The following MYBPC1 variants were observed in gnomAD, a reference collection of about 807,000 sequenced individuals.
MYBPC1 encodes the protein myosin binding protein C1.
In MYBPC1, 52 loss-of-function variants were observed where a neutral mutation model predicts 147.1. The ratio of observed to expected loss-of-function variants is 0.35; its 90% confidence interval spans 0.28 to 0.45. MYBPC1 has a LOEUF of 0.45. Ranked by LOEUF, MYBPC1 falls within the 20% of genes least tolerant of loss-of-function variation. The probability of loss-of-function intolerance (pLI) is 1.00; values close to 1 mark genes in which losing one functional copy is unlikely to be tolerated. For synonymous variants in MYBPC1, 477 were observed against 475.9 expected (o/e 1.00, Z -0.03); for missense variants, 1,228 against 1,440.3 (o/e 0.85, Z 2.39).
chr12:101,627,879 T>C (rs1888988411), intron 5 of MYBPC1, 75 bp downstream of exon 5: 6 of 1,459,224 alleles, frequency 4.1e-6, no homozygotes, highest in Non-Finnish European at 5.8e-6. Context: ...CTTGAAGCTG[T>C]ATTGATTCTA....
At position 101,667,727 on chromosome 12, in the gene MYBPC1, T is replaced by G; in HGVS notation, c.2357-5T>G. 1 of 1,614,194 alleles carries G rather than the reference T, an allele frequency of 6.2e-7. No individual in the cohort carries two copies. Among genetic ancestry groups the G allele is most frequent in the Non-Finnish European group, 8.5e-7 (1 of 1,180,022 alleles). ...CTTCTTTTCCTTTTCTTTTACGGAC[T>G]TCAGCTGAGGACTGGATAGTTGCAA... is the stretch of plus-strand genomic sequence containing the variant. On this transcript the variant is annotated splice_region_variant and splice_polypyrimidine_tract_variant and intron_variant, in intron 22 of 31. Transcript: ENST00000361466.
chr12:101,613,046 T>C (rs1256374730), intron 1 of MYBPC1, among the ~76,000 whole-genome samples: 2 of 152,250 alleles, frequency 1.3e-5, no homozygotes, highest in African/African-American at 4.8e-5. Context: ...TGGTTATATA[T>C]ATCCTTCTCC....
chr12:101,662,600 CT>C (rs1896753723), intron 21 of MYBPC1, 54 bp downstream of exon 21: 1 of 1,582,844 alleles, frequency 6.3e-7, no homozygotes, highest in African/African-American at 1.3e-5. Flanking sequence ...CAGAGTATGA[CT>C]GCTTTCTCTC....
chr12:101,646,714 A>C (rs745577360), intron 12 of MYBPC1, 49 bp from the exon 13 acceptor site: 3 of 1,603,516 alleles, frequency 1.9e-6, no homozygotes, highest in Non-Finnish European at 2.6e-6. Context: ...AAAGAAAAGA[A>C]TAAAATCACA....
intron 1 of MYBPC1, among the ~76,000 whole-genome samples, chr12:101,607,826 AT>A (rs1448886274): frequency 2.0e-5 from 3 of 152,236 alleles, no homozygotes; most frequent in Non-Finnish European, 4.4e-5. Flanking sequence ...ACGCAGACAT[AT>A]AAAAAGAGAC....
rs751221401 is a variant in MYBPC1, at chr12:101,661,143, T to G, written c.1928-15T>G. ...CTTCCTTATTTTACTTTATCCTATT[T>G]TTTGTCTGCCACAGACTTCCCTGAT... On this transcript the variant is annotated splice_polypyrimidine_tract_variant and intron_variant, in intron 19 of 31. Transcript: ENST00000361466. 3.1e-6 allele frequency: 5 copies of G among 1,591,130 alleles called. No individual in the cohort carries two copies. Among genetic ancestry groups the G allele is most frequent in the Non-Finnish European group, 4.3e-6 (5 of 1,160,354 alleles).
At position 101,629,442 on chromosome 12, in the gene MYBPC1, C is replaced by G; in HGVS notation, c.187C>G (p.Leu63Val). The G allele has an allele frequency of 1.2e-6, 2 of 1,610,292 alleles. No individual in the cohort carries two copies. Among genetic ancestry groups the G allele is most frequent in the South Asian group, 1.1e-5 (1 of 91,008 alleles). Reference sequence around the variant, plus strand: ...TCCTTTCTGCTCATCAGACTGGACCCTTGTCGAAACTCCTCCTGGGGAGGA... The same window carrying G: ...TCCTTTCTGCTCATCAGACTGGACCGTTGTCGAAACTCCTCCTGGGGAGGA... The part of the protein sequence containing the change: ...ALERKDSDWT[L>V]VETPPGEEQA... The change falls in exon 6 of 32, where the codon CTT becomes GTT. Residue 63 changes from leucine (L) to valine (V), a missense_variant. By Grantham distance (32) the Leu-to-Val change is conservative (BLOSUM62 1). This residue lies in a region of MYBPC1 where 151 missense variants were observed against 126.1 expected (regional missense o/e 1.20). Transcript: ENST00000361466.
chr12:101,678,009 G>T, intron 27 of MYBPC1, 93 bp from the exon 28 acceptor site: 1 of 1,449,738 alleles, frequency 6.9e-7, no homozygotes, highest in Non-Finnish European at 9.7e-7. Flanking sequence ...CTAAGTTCAG[G>T]GAAGTTTTAA....
chr12:101,636,795 T>A (rs1197788936), intron 10 of MYBPC1, 67 bp downstream of exon 10: 1 of 1,356,768 alleles, frequency 7.4e-7, no homozygotes, highest in East Asian at 2.3e-5. Context: ...CTCAGAGAAG[T>A]CAAGTTTAAA....
chr12:101,634,503 A>G (rs1383195371), intron 8 of MYBPC1, 51 bp from the exon 9 acceptor site: 14 of 1,462,640 alleles, frequency 9.6e-6, no homozygotes, highest in African/African-American at 1.4e-5. Context: ...AACTGAACAC[A>G]AACTACCTCC....
At chr12:101,678,872 G>C (rs1265117643) in intron 28 of MYBPC1, among the ~76,000 whole-genome samples, 1 of 152,146 alleles carries the variant, frequency 6.6e-6, no homozygotes, top group Non-Finnish European at 1.5e-5. Context: ...ATCAGAAATA[G>C]GGAAGTCGTC....
intron 1 of MYBPC1, among the ~76,000 whole-genome samples, chr12:101,595,814 T>C (rs1169360076): frequency 2.6e-5 from 4 of 152,100 alleles, no homozygotes; most frequent in Non-Finnish European, 5.9e-5. Flanking sequence ...TTAGAAGAAA[T>C]GTTTTCCCTA....
At chr12:101,693,161 T>C in the MYBPC1 span, among the ~76,000 whole-genome samples, 1 of 152,122 alleles carries the variant, frequency 6.6e-6, no homozygotes, top group Non-Finnish European at 1.5e-5. Flanking sequence ...TTAGCCAGGA[T>C]GGTCTCGATC....
intron 23 of MYBPC1, among the ~76,000 whole-genome samples, chr12:101,669,273 AC>A (rs758253679): frequency 1.8e-4 from 28 of 152,276 alleles, no homozygotes; most frequent in Admixed American, 1.0e-3. Flanking sequence ...TGAATAGGTG[AC>A]TTTTTTGCAC....
chr12:101,634,440 C>G (rs1890590537), intron 8 of MYBPC1, 114 bp from the exon 9 acceptor site: 1 of 843,840 alleles, frequency 1.2e-6, no homozygotes, highest in Non-Finnish European at 2.0e-6. Context: ...AGAAAAGCCT[C>G]CCCCCTTCAC....
At chr12:101,628,157 G>T (rs1732060613) in intron 5 of MYBPC1, 1 of 317,788 alleles carries the variant, frequency 3.1e-6, no homozygotes, top group African/African-American at 2.2e-5. Flanking sequence ...ATTTTCAAAT[G>T]CATCCTATCA....
chr12:101,661,099 C>CTT, intron 19 of MYBPC1, 59 bp from the exon 20 acceptor site: 1 of 1,103,842 alleles, frequency 9.1e-7, no homozygotes, highest in Non-Finnish European at 1.4e-6. Context: ...TTCCTATTAA[C>CTT]TTTTTTTTTC....
At chr12:101,596,083 A>G (rs1479642139) in intron 1 of MYBPC1, among the ~76,000 whole-genome samples, 1 of 152,212 alleles carries the variant, frequency 6.6e-6, no homozygotes, top group East Asian at 1.9e-4. Flanking sequence ...GAAACATAAA[A>G]ATAGTCATAG....
intron 1 of MYBPC1, among the ~76,000 whole-genome samples, chr12:101,597,721 A>G (rs1877909000): frequency 6.6e-6 from 1 of 152,194 alleles, no homozygotes; most frequent in African/African-American, 2.4e-5. Context: ...CCATTGTTCT[A>G]CTTTCTACCA....
Sources: allele counts gnomAD v4.1 joint callset (sites outside exome capture counted in the v4.1 genomes callset), GRCh38; gene constraint gnomAD v4.1.1; regional missense constraint gnomAD v4.1.1; transcripts MANE v1.5; gene names NCBI Gene and HGNC (gene_info 2026-07-23, HGNC 2026-07-21).